Variants in MFF observed in about 807,000 individuals in gnomAD.
MFF encodes the protein chromosome 2 open reading frame 33.
Under a neutral mutation model 36.9 loss-of-function variants are expected in MFF, and 12 were observed. That is an observed-to-expected ratio of 0.33 (90% CI 0.21 to 0.53). The LOEUF is 0.53. Ranked by LOEUF, MFF falls within the 20% of genes least tolerant of loss-of-function variation. The probability of loss-of-function intolerance (pLI) is 0.95; values close to 1 mark genes in which losing one functional copy is unlikely to be tolerated. For missense variants in MFF, 348 were observed against 366.6 expected (o/e 0.95, Z 0.42); for synonymous variants, 99 against 126.2 (o/e 0.78, Z 1.44).
chr2:227,325,962 C>T (rs1034822981), intron 1 of MFF, among the ~76,000 whole-genome samples: 4 of 152,080 alleles, frequency 2.6e-5, no homozygotes, highest in Non-Finnish European at 4.4e-5. Flanking sequence ...TGCGGGCCAC[C>T]CTGTCCGTCT....
intron 4 of MFF, among the ~76,000 whole-genome samples, chr2:227,338,075 A>G (rs577285686): frequency 3.9e-5 from 6 of 151,970 alleles, no homozygotes; most frequent in Admixed American, 1.3e-4. Flanking sequence ...TTGAAACAAA[A>G]CAAACATCCA....
At chr2:227,340,575 C>T in intron 5 of MFF, 195 bp downstream of exon 5, 1 of 530,664 alleles carries the variant, frequency 1.9e-6, no homozygotes, top group Non-Finnish European at 3.4e-6. Context: ...GTCACCTTAT[C>T]CTTTCCTGTG....
intron 4 of MFF, among the ~76,000 whole-genome samples, chr2:227,338,331 T>C (rs1421162976): frequency 6.9e-6 from 1 of 145,736 alleles, no homozygotes; most frequent in East Asian, 2.1e-4. Flanking sequence ...ATAGCACCAT[T>C]GCACTCCAGC....
intron 5 of MFF, 67 bp from the exon 6 acceptor site, chr2:227,347,159 C>T (rs971824693): frequency 7.0e-7 from 1 of 1,419,550 alleles, no homozygotes; most frequent in Non-Finnish European, 9.9e-7. Flanking sequence ...AAAGACTGCT[C>T]AGCTGAAGTT....
At position 227,332,527 on chromosome 2, in the gene MFF, G is replaced by A. The variant is rs773039712; in HGVS notation, c.290G>A (p.Ser97Asn). The A allele has an allele frequency of 6.2e-7, 1 of 1,613,628 alleles. No individual in the cohort carries two copies. The highest frequency in any genetic ancestry group is 8.5e-7 in the Non-Finnish European group (1 of 1,179,654). The change falls in exon 4 of 9, where the codon AGT becomes AAT. Residue 97 changes from serine to asparagine, a missense_variant. Physicochemically the swap from Ser to Asn is conservative, Grantham distance 46 (BLOSUM62 1). Transcript: ENST00000304593. ...LKTPPRVLTL[S>N]ERPLDFLDLE... ...ACACCACCTCGTGTACTTACGCTGAGTGAAAGACCACTAGATTTTCTGGAT... is the reference window on the plus strand; with the variant it reads ...ACACCACCTCGTGTACTTACGCTGAATGAAAGACCACTAGATTTTCTGGAT...
intron 7 of MFF, among the ~76,000 whole-genome samples, chr2:227,353,396 T>C (rs2076098923): frequency 6.6e-6 from 1 of 152,190 alleles, no homozygotes; most frequent in South Asian, 2.1e-4. Context: ...TTTCTGTGCT[T>C]AGAAGTTGGT....
At chr2:227,335,402 G>A (rs1164742896) in intron 4 of MFF, among the ~76,000 whole-genome samples, 1 of 152,070 alleles carries the variant, frequency 6.6e-6, no homozygotes, top group African/African-American at 2.4e-5. Context: ...TTCCTTTTGG[G>A]CTGATGAAAA....
chr2:227,339,759 C>T (rs763187478), intron 4 of MFF, among the ~76,000 whole-genome samples: 7 of 152,194 alleles, frequency 4.6e-5, no homozygotes, highest in Admixed American at 3.3e-4. Flanking sequence ...AGATACATTT[C>T]ATAAGAAGAG....
At chr2:227,342,921 A>T in intron 5 of MFF, 1 of 898,280 alleles carries the variant, frequency 1.1e-6, no homozygotes, top group Non-Finnish European at 1.7e-6. Flanking sequence ...ATGCTATCCT[A>T]ATTATCTTCC....
chr2:227,343,849 G>A (rs1338172344), intron 5 of MFF, among the ~76,000 whole-genome samples: 6 of 152,054 alleles, frequency 3.9e-5, no homozygotes, highest in Admixed American at 3.3e-4. Flanking sequence ...GTGCAATGGC[G>A]TGATCTCAGT....
chr2:227,341,053 G>A (rs1339658295), intron 5 of MFF, among the ~76,000 whole-genome samples: 2 of 152,124 alleles, frequency 1.3e-5, no homozygotes, highest in Non-Finnish European at 2.9e-5. Flanking sequence ...GTGATGGCAA[G>A]TATCATGTAA....
intron 5 of MFF, 158 bp downstream of exon 5, chr2:227,340,538 C>T: frequency 5.0e-6 from 3 of 599,370 alleles, no homozygotes; most frequent in Non-Finnish European, 8.6e-6. Context: ...AAAATCTGGC[C>T]ATTTTGTTGG....
chr2:227,354,437 A>G (rs1463285393), intron 7 of MFF, among the ~76,000 whole-genome samples: 2 of 152,190 alleles, frequency 1.3e-5, no homozygotes, highest in Admixed American at 1.3e-4. Context: ...TAGTTTATTT[A>G]TATTCTGCTC....
intron 3 of MFF, among the ~76,000 whole-genome samples, chr2:227,331,880 TTATA>T (rs1169348120): frequency 6.6e-6 from 1 of 152,054 alleles, no homozygotes; most frequent in Non-Finnish European, 1.5e-5. Flanking sequence ...AGTTTTTTGG[TTATA>T]TATTGTACAT....
chr2:227,329,873 T>C (rs1038019722), intron 2 of MFF: 11 of 829,812 alleles, frequency 1.3e-5, no homozygotes, highest in East Asian at 1.1e-4. Context: ...CCATGCTCTT[T>C]TACATTTTTA....
intron 6 of MFF, among the ~76,000 whole-genome samples, chr2:227,348,438 A>G (rs956668279): frequency 5.1e-4 from 78 of 152,226 alleles, no homozygotes; most frequent in African/African-American, 1.8e-3. Context: ...GGGCCCAAGG[A>G]CTGAAAGCTG....
intron 1 of MFF, among the ~76,000 whole-genome samples, chr2:227,327,732 A>G (rs1351302415): frequency 6.6e-6 from 1 of 152,284 alleles, no homozygotes; most frequent in Non-Finnish European, 1.5e-5. Context: ...TGGAATGCAG[A>G]GAAAGCACAT....
chr2:227,330,351 G>A (rs2074481266), intron 2 of MFF: 3 of 382,242 alleles, frequency 7.8e-6, no homozygotes, highest in African/African-American at 4.2e-5. Context: ...ATGTGTGTAT[G>A]TGTGTGTACA....
At chr2:227,332,696 C>A in intron 4 of MFF, 108 bp downstream of exon 4, 1 of 701,484 alleles carries the variant, frequency 1.4e-6, no homozygotes, top group South Asian at 2.9e-5. Context: ...TGAAAGCTTT[C>A]CATATGGAAC....
Sources: gnomAD v4.1 joint callset for allele counts (sites outside exome capture counted in the v4.1 genomes callset) on GRCh38, gnomAD v4.1.1 for gene constraint, MANE v1.5 for transcripts, NCBI Gene and HGNC (gene_info 2026-07-23, HGNC 2026-07-21) for gene names.